GCH1: variants seen among roughly 807,000 people sequenced by gnomAD.
GCH1 encodes GTP cyclohydrolase 1.
GCH1 carries 5 observed loss-of-function variants against 25.9 expected under a neutral mutation model. The ratio of observed to expected loss-of-function variants is 0.19; its 90% CI spans 0.10 to 0.41. The LOEUF (loss-of-function observed/expected upper bound fraction) is 0.41, where lower values mean the gene tolerates loss of function less well. Ranked by LOEUF, GCH1 falls within the 10% of genes least tolerant of loss-of-function variation. The pLI, the probability that GCH1 is intolerant of heterozygous loss-of-function variation, is 1.00. For missense variants in GCH1, 261 were observed against 336.5 expected (o/e 0.78, Z 1.75); for synonymous variants, 159 against 129.6 (o/e 1.23, Z -1.54).
chr14:54,876,488 A>G (rs949464760), intron 1 of GCH1, among the ~76,000 whole-genome samples: 1 of 144,442 alleles, frequency 6.9e-6, no homozygotes, highest in Non-Finnish European at 1.5e-5. Flanking sequence ...AACTTAAAGT[A>G]TAATAATAAA....
At chr14:54,845,459 C>T (rs1387701455) in intron 5 of GCH1, among the ~76,000 whole-genome samples, 6 of 149,834 alleles carry the variant, frequency 4.0e-5, no homozygotes, top group Admixed American at 4.0e-4. Flanking sequence ...GCCTGGGCGA[C>T]AGAGTGAGGC....
intron 1 of GCH1, among the ~76,000 whole-genome samples, chr14:54,891,505 G>T: frequency 6.6e-6 from 1 of 151,140 alleles, no homozygotes; most frequent in East Asian, 1.9e-4. Flanking sequence ...CGCCTCCCGG[G>T]TTCAAGTGAT....
rs1272621459 is a variant in GCH1 at position 54,902,632 on chromosome 14, T to G, written c.32A>C (p.Glu11Ala). ...GCTGCACCTGGCGCCCCGCGGCTTC[T>G]CCGCCGGTGCCCGCACAGGGCCCTT... The part of the protein sequence containing the change: MEKGPVRAPA[E>A]KPRGARCSNG... The change falls in exon 1 of 6, where the codon GAG (glutamate) becomes GCG (alanine). Residue 11 changes from glutamate to alanine, a missense_variant. By Grantham distance (107) the Glu-to-Ala change is moderately radical. Around this residue, in one of 3 missense-constraint regions of GCH1, gnomAD observed 125 missense variants for 128.7 expected, o/e 0.97. Coordinates refer to ENST00000491895, the MANE Select transcript of GCH1 (RefSeq NM_000161.3). 6.7e-7 allele frequency: 1 copy of G among 1,484,844 alleles called. No individual in the cohort carries two copies. Among genetic ancestry groups the G allele is most frequent in the East Asian group, 2.8e-5 (1 of 35,120 alleles). 92.0% of individuals were successfully genotyped at this position (1,484,844 alleles called of 1,614,324 possible). A position where few individuals can be genotyped will look rare whatever the true frequency, so the allele number is the denominator to read the frequency against.
chr14:54,870,728 C>T (rs958932309), intron 1 of GCH1, among the ~76,000 whole-genome samples: 3 of 152,218 alleles, frequency 2.0e-5, no homozygotes, highest in Non-Finnish European at 4.4e-5. Context: ...GAGGGTCCTA[C>T]TCCCACAGAT....
At chr14:54,856,884 G>C (rs965059004) in intron 3 of GCH1, among the ~76,000 whole-genome samples, 1 of 152,122 alleles carries the variant, frequency 6.6e-6, no homozygotes, top group East Asian at 1.9e-4. Flanking sequence ...CTCACTTCTG[G>C]CATTTTCTTG....
chr14:54,900,296 T>A (rs1023348745), intron 1 of GCH1, among the ~76,000 whole-genome samples: 8 of 151,362 alleles, frequency 5.3e-5, no homozygotes, highest in African/African-American at 1.7e-4. Context: ...TGCAACCTCC[T>A]CCTCCTGGGT....
At chr14:54,861,256 A>G (rs1481349652) in intron 2 of GCH1, among the ~76,000 whole-genome samples, 1 of 152,216 alleles carries the variant, frequency 6.6e-6, no homozygotes, top group Admixed American at 6.5e-5. Flanking sequence ...GGCAGGAGGA[A>G]AAAGTAAAAT....
At chr14:54,893,508 G>A (rs1021726391) in intron 1 of GCH1, among the ~76,000 whole-genome samples, 1 of 152,060 alleles carries the variant, frequency 6.6e-6, no homozygotes, top group African/African-American at 2.4e-5. Flanking sequence ...ACAAAAGCGG[G>A]GATAGGTGAG....
intron 3 of GCH1, among the ~76,000 whole-genome samples, chr14:54,850,506 T>A (rs1231987109): frequency 6.6e-6 from 1 of 151,982 alleles, no homozygotes; most frequent in Non-Finnish European, 1.5e-5. Context: ...ATTATTATTA[T>A]ACTTTAAGTT....
At chr14:54,867,616 A>AAAAAAAAAT (rs1396210211) in intron 1 of GCH1, among the ~76,000 whole-genome samples, 1 of 144,526 alleles carries the variant, frequency 6.9e-6, no homozygotes, top group East Asian at 2.0e-4. Flanking sequence ...AAAAAAAAAG[A>AAAAAAAAAT]TCTGGCTCCA....
intron 3 of GCH1, among the ~76,000 whole-genome samples, chr14:54,854,873 C>T (rs1246940406): frequency 6.6e-6 from 1 of 152,172 alleles, no homozygotes; most frequent in Non-Finnish European, 1.5e-5. Context: ...ATACACCACC[C>T]CTTACCTATG....
At chr14:54,845,196 T>C (rs974061219) in intron 5 of GCH1, among the ~76,000 whole-genome samples, 4 of 150,860 alleles carry the variant, frequency 2.7e-5, no homozygotes, top group African/African-American at 9.8e-5. Context: ...AAATGGCGAT[T>C]GAGCTGGGCG....
intron 3 of GCH1, among the ~76,000 whole-genome samples, chr14:54,848,530 C>T (rs2039678978): frequency 6.6e-6 from 1 of 152,138 alleles, no homozygotes; most frequent in South Asian, 2.1e-4. Context: ...ACACTGAGGA[C>T]CTTTTCTTTA....
At chr14:54,899,343 T>G (rs1020706050) in intron 1 of GCH1, among the ~76,000 whole-genome samples, 7 of 152,010 alleles carry the variant, frequency 4.6e-5, no homozygotes, top group African/African-American at 1.7e-4. Flanking sequence ...AGCCTGTAGT[T>G]CCAGCTATTC....
chr14:54,889,149 G>A (rs2040393240), intron 1 of GCH1, among the ~76,000 whole-genome samples: 2 of 152,198 alleles, frequency 1.3e-5, no homozygotes, highest in African/African-American at 4.8e-5. Flanking sequence ...TAGGCCATCA[G>A]AGAGGCATAC....
At chr14:54,882,241 A>C (rs189906744) in intron 1 of GCH1, among the ~76,000 whole-genome samples, 2 of 152,374 alleles carry the variant, frequency 1.3e-5, no homozygotes, top group Admixed American at 1.3e-4. Context: ...ATGCCAAATT[A>C]CAAGTTATCC....
chr14:54,843,449 G>A lies in GCH1; in HGVS notation c.*568C>T, dbSNP rs974171896. The A allele has an allele frequency of 1.6e-6, 2 of 1,230,350 alleles. No individual in the cohort carries two copies. The highest frequency in any genetic ancestry group is 2.3e-5 in the South Asian group (1 of 43,716). The allele number at this position is 1,230,350 out of a possible 1,614,324, so 76.2% of individuals were successfully genotyped here. A position where few individuals can be genotyped will look rare whatever the true frequency, so the allele number is the denominator to read the frequency against. ...AACTCACAGTAAAATCAAAAACATA[G>A]ACATTCCACCACCTTCCCTTGGTGA... On this transcript the variant is annotated 3_prime_UTR_variant, in exon 6 of 6. Transcript: ENST00000491895.
chr14:54,899,976 T>C (rs566005218), intron 1 of GCH1, among the ~76,000 whole-genome samples: 1 of 151,858 alleles, frequency 6.6e-6, no homozygotes, highest in Admixed American at 6.6e-5. Flanking sequence ...ATGATTCTCC[T>C]ACCTCAGCTT....
intron 1 of GCH1, among the ~76,000 whole-genome samples, chr14:54,893,008 G>A (rs376263783): frequency 5.3e-5 from 8 of 152,144 alleles, no homozygotes; most frequent in Admixed American, 2.0e-4. Context: ...GAACCTGGGC[G>A]GCAGAGGTTT....
Sources: gnomAD v4.1 joint callset for allele counts (sites outside exome capture counted in the v4.1 genomes callset) on GRCh38, gnomAD v4.1.1 for gene constraint, gnomAD v4.1.1 regional missense constraint, MANE v1.5 for transcripts, NCBI Gene and HGNC (gene_info 2026-07-23, HGNC 2026-07-21) for gene names.